The following PCDH15 variants were observed in gnomAD, a reference collection of about 807,000 sequenced individuals.
The protein encoded by PCDH15 is protocadherin related 15.
A neutral mutation model predicts 178.5 loss-of-function variants in PCDH15; 129 were observed. The observed-to-expected ratio is 0.72, with a 90% CI of 0.63 to 0.84. PCDH15 has a LOEUF of 0.84. PCDH15 is among the 40% of genes least tolerant of loss of function. PCDH15 has a pLI of 0.00. For missense variants in PCDH15, 2,230 were observed against 2,099.9 expected (o/e 1.06, Z -1.21); for synonymous variants, 800 against 732.0 (o/e 1.09, Z -1.50).
At chr10:54,428,113 T>C (rs923304683) in intron 3 of PCDH15, among the ~76,000 whole-genome samples, 8 of 152,192 alleles carry the variant, frequency 5.3e-5, no homozygotes, top group African/African-American at 1.7e-4. Flanking sequence ...AACACATCAA[T>C]CCCACACTCA....
intron 2 of PCDH15, among the ~76,000 whole-genome samples, chr10:54,599,301 G>A (rs1231228447): frequency 1.3e-5 from 2 of 151,922 alleles, no homozygotes; most frequent in African/African-American, 2.4e-5. Context: ...ATTGGTACAA[G>A]AACATATGCA....
chr10:53,977,569 C>T (rs1472165395), intron 21 of PCDH15, among the ~76,000 whole-genome samples: 1 of 152,134 alleles, frequency 6.6e-6, no homozygotes, highest in Non-Finnish European at 1.5e-5. Flanking sequence ...GGGGACACAG[C>T]CAAACCACAT....
At chr10:55,235,000 C>T (rs1841336193) in intron 1 of PCDH15, among the ~76,000 whole-genome samples, 1 of 151,798 alleles carries the variant, frequency 6.6e-6, no homozygotes, top group African/African-American at 2.4e-5. Flanking sequence ...ATAATGAAAA[C>T]CCTGCCATGT....
intron 8 of PCDH15, among the ~76,000 whole-genome samples, chr10:54,314,436 T>C (rs559977157): frequency 1.3e-5 from 2 of 152,182 alleles, no homozygotes; most frequent in South Asian, 4.1e-4. Context: ...ACTTGAACCT[T>C]ACATGCTTAA....
chr10:54,093,184 G>T (rs950784605), intron 15 of PCDH15, among the ~76,000 whole-genome samples: 8 of 151,996 alleles, frequency 5.3e-5, no homozygotes, highest in Admixed American at 2.0e-4. Context: ...GTCTTTTAAG[G>T]ATTGTGAATG....
At chr10:55,234,020 G>C (rs1441829453) in intron 1 of PCDH15, among the ~76,000 whole-genome samples, 1 of 152,070 alleles carries the variant, frequency 6.6e-6, no homozygotes, top group Non-Finnish European at 1.5e-5. Flanking sequence ...TATGTTGATA[G>C]CTATGTTGCG....
intron 2 of PCDH15, among the ~76,000 whole-genome samples, chr10:55,467,970 A>AAAAAAAAAAAAAAAAAAAAAAAAAT (rs1839870184): frequency 7.0e-6 from 1 of 142,620 alleles, no homozygotes; most frequent in Non-Finnish European, 1.5e-5. Flanking sequence ...CCGTCTCAAA[A>AAAAAAAAAAAAAAAAAAAAAAAAAT]AAAAAAAAAA....
chr10:54,392,032 T>C (rs1191389390), intron 3 of PCDH15, among the ~76,000 whole-genome samples: 1 of 152,216 alleles, frequency 6.6e-6, no homozygotes, highest in Non-Finnish European at 1.5e-5. Flanking sequence ...ATTGTTTAGT[T>C]GTAGTTTCCT....
chr10:55,072,778 G>A (rs1040881349), intron 2 of PCDH15, among the ~76,000 whole-genome samples: 11 of 151,558 alleles, frequency 7.3e-5, no homozygotes, highest in Non-Finnish European at 8.8e-5. Flanking sequence ...TACCAAAGCC[G>A]GGCAGAGACA....
intron 6 of PCDH15, among the ~76,000 whole-genome samples, chr10:54,340,631 A>G (rs1942055087): frequency 6.6e-6 from 1 of 152,132 alleles, no homozygotes; most frequent in South Asian, 2.1e-4. Flanking sequence ...AAAGTTTTAG[A>G]GCAGGAATGA....
chr10:54,008,872 G>A (rs1410369975), intron 20 of PCDH15, among the ~76,000 whole-genome samples: 2 of 152,086 alleles, frequency 1.3e-5, no homozygotes. Flanking sequence ...TTGCTATTTA[G>A]TCTATATAGA....
At chr10:55,164,931 A>T (rs1307532005) in intron 2 of PCDH15, among the ~76,000 whole-genome samples, 1 of 142,362 alleles carries the variant, frequency 7.0e-6, no homozygotes, top group Non-Finnish European at 1.6e-5. Flanking sequence ...GTTACATATT[A>T]GAGTGTTTGT....
intron 2 of PCDH15, among the ~76,000 whole-genome samples, chr10:55,523,201 C>T (rs1203904131): frequency 1.3e-5 from 2 of 151,440 alleles, no homozygotes; most frequent in Non-Finnish European, 3.0e-5. Flanking sequence ...CTTTCTCCCA[C>T]TTTTTCTCCC....
rs539895492 is a variant in PCDH15 at position 54,673,221 on chromosome 10, A to T, written c.-28-8931T>A. On this transcript the variant is annotated intron_variant, in intron 1 of 37. Transcript: ENST00000644397. ...TTTCTCCTAATGCTATCCCTCCCCT[A>T]ACCTCCCCACCCCCGCGACAGGCCC... 8.6e-5 allele frequency among the ~76,000 whole-genome samples: 13 copies of T among 150,784 alleles called. No homozygotes were observed. The South Asian group carries it at 2.5e-3, about 29-fold the overall frequency.
intron 2 of PCDH15, among the ~76,000 whole-genome samples, chr10:55,362,935 C>T (rs1342043347): frequency 6.6e-6 from 1 of 152,108 alleles, no homozygotes; most frequent in Admixed American, 6.6e-5. Context: ...ACATAAAATA[C>T]ACTAATGATA....
intron 8 of PCDH15, among the ~76,000 whole-genome samples, chr10:54,266,993 G>A (rs2132408551): frequency 6.6e-6 from 1 of 151,812 alleles, no homozygotes; most frequent in East Asian, 1.9e-4. Context: ...GAAAACCCTA[G>A]GCCAATATAT....
intron 2 of PCDH15, among the ~76,000 whole-genome samples, chr10:55,091,856 CA>C (rs1164918953): frequency 6.6e-6 from 1 of 151,752 alleles, no homozygotes; most frequent in East Asian, 1.9e-4. Flanking sequence ...AACAAACAAA[CA>C]AAAAACATTT....
At chr10:55,099,243 T>C (rs554175057) in intron 2 of PCDH15, among the ~76,000 whole-genome samples, 1 of 152,236 alleles carries the variant, frequency 6.6e-6, no homozygotes, top group African/African-American at 2.4e-5. Context: ...TTCAGTCTAC[T>C]TACAGCTTCT....
intron 13 of PCDH15, among the ~76,000 whole-genome samples, chr10:54,164,866 G>A (rs552804729): frequency 7.9e-4 from 120 of 152,234 alleles, no homozygotes; most frequent in Non-Finnish European, 1.4e-3. Flanking sequence ...AAGCTATATT[G>A]TTGCCTGCCT....
Sources: allele counts gnomAD v4.1 joint callset (sites outside exome capture counted in the v4.1 genomes callset), GRCh38; gene constraint gnomAD v4.1.1; transcripts MANE v1.5; gene names NCBI Gene and HGNC (gene_info 2026-07-23, HGNC 2026-07-21).